NELL1: variants seen among roughly 807,000 people sequenced by gnomAD.
NELL1 encodes neural EGFL like 1.
In NELL1, 76 loss-of-function variants were observed where a neutral mutation model predicts 107.4. The observed-to-expected ratio is 0.71, with a 90% CI of 0.59 to 0.86. NELL1 has a LOEUF of 0.86. NELL1 is among the 40% of genes least tolerant of loss of function. NELL1 has a pLI of 0.00. For missense variants in NELL1, 1,024 were observed against 1,005.5 expected, an observed-to-expected ratio of 1.02 and a Z score of -0.25; for synonymous variants, 353 against 341.2, an observed-to-expected ratio of 1.03 and a Z score of -0.38.
intron 14 of NELL1, among the ~76,000 whole-genome samples, chr11:21,292,343 A>G (rs889312866): frequency 4.6e-5 from 7 of 152,222 alleles, no homozygotes; most frequent in Non-Finnish European, 8.8e-5. Context: ...TACCAAGAGA[A>G]TAAAATACCT....
intron 12 of NELL1, among the ~76,000 whole-genome samples, chr11:21,077,899 G>A (rs1421782704): frequency 1.3e-5 from 2 of 151,984 alleles, no homozygotes; most frequent in Admixed American, 6.6e-5. Context: ...GAAGGTAGCA[G>A]GTAAGATACA....
At chr11:21,100,857 A>G (rs1316581227) in intron 12 of NELL1, among the ~76,000 whole-genome samples, 1 of 151,856 alleles carries the variant, frequency 6.6e-6, no homozygotes, top group Non-Finnish European at 1.5e-5. Flanking sequence ...TTTTAATTAT[A>G]CTTTAAGTTT....
chr11:20,852,644 T>C (rs1848813823), intron 4 of NELL1, among the ~76,000 whole-genome samples: 1 of 152,220 alleles, frequency 6.6e-6, no homozygotes, highest in Non-Finnish European at 1.5e-5. Context: ...AAGAGATGAC[T>C]ATCAAAGGTC....
At chr11:20,828,579 T>A (rs557902303) in intron 3 of NELL1, among the ~76,000 whole-genome samples, 1 of 152,302 alleles carries the variant, frequency 6.6e-6, no homozygotes, top group African/African-American at 2.4e-5. Flanking sequence ...TGTGGAACTG[T>A]CTTGGGGTTC....
chr11:21,217,118 TC>T (rs1224403321), intron 13 of NELL1, among the ~76,000 whole-genome samples: 2 of 152,084 alleles, frequency 1.3e-5, no homozygotes, highest in African/African-American at 2.4e-5. Context: ...AAGGGGCTAT[TC>T]CCCCCTCCTT....
intron 14 of NELL1, among the ~76,000 whole-genome samples, chr11:21,230,321 G>C (rs1300334837): frequency 2.0e-5 from 3 of 151,902 alleles, no homozygotes; most frequent in Non-Finnish European, 2.9e-5. Context: ...CACTGTCCCT[G>C]GTGTTTAGAT....
At chr11:20,822,519 G>A (rs1170931362) in intron 3 of NELL1, among the ~76,000 whole-genome samples, 1 of 152,152 alleles carries the variant, frequency 6.6e-6, no homozygotes, top group Admixed American at 6.5e-5. Context: ...GTATGCCCAG[G>A]GCCTGCAGGT....
At chr11:21,006,043 G>T (rs1242234265) in intron 12 of NELL1, among the ~76,000 whole-genome samples, 1 of 151,804 alleles carries the variant, frequency 6.6e-6, no homozygotes, top group Non-Finnish European at 1.5e-5. Context: ...GATTTGGGGG[G>T]GGGAGTGGGA....
At chr11:21,176,150 A>G (rs1436600806) in intron 13 of NELL1, among the ~76,000 whole-genome samples, 1 of 151,840 alleles carries the variant, frequency 6.6e-6, no homozygotes, top group Non-Finnish European at 1.5e-5. Context: ...AATGCATATA[A>G]AACAGTGCAA....
chr11:21,323,424 A>G (rs983018694), intron 14 of NELL1, among the ~76,000 whole-genome samples: 3 of 152,136 alleles, frequency 2.0e-5, no homozygotes, highest in Non-Finnish European at 2.9e-5. Flanking sequence ...TGAATACTTA[A>G]TTTCTGGTGT....
intron 12 of NELL1, among the ~76,000 whole-genome samples, chr11:20,966,375 G>A (rs987750968): frequency 2.6e-5 from 4 of 152,006 alleles, no homozygotes; most frequent in Admixed American, 1.3e-4. Context: ...TGTTACAATG[G>A]TGACTAAATT....
At chr11:21,566,188 G>A (rs1014581378) in intron 17 of NELL1, among the ~76,000 whole-genome samples, 4 of 151,776 alleles carry the variant, frequency 2.6e-5, no homozygotes, top group African/African-American at 7.3e-5. Context: ...AATTTGTACC[G>A]TGGGCATCCG....
At position 20,837,706 on chromosome 11, in the gene NELL1, GA is replaced by G. The variant is rs376999514; in HGVS notation, c.336-9872del. 2.0e-3 allele frequency among the ~76,000 whole-genome samples: 302 copies of G among 152,120 alleles called. 1 individual carries two copies. Among genetic ancestry groups the G allele is most frequent in the African/African-American group, 7.1e-3 (295 of 41,530 alleles). ...TGGGAGTAAATCAAAGAAACTAGCT[GA>G]AAAACGTCCAACAGCTAAAGCTGGA... On this transcript the variant is annotated intron_variant, in intron 3 of 19. Coordinates refer to ENST00000357134, the MANE Select transcript of NELL1 (RefSeq NM_006157.5).
intron 12 of NELL1, among the ~76,000 whole-genome samples, chr11:21,099,223 ACACACACACAAACAC>A (rs1489948188): frequency 2.8e-5 from 4 of 142,018 alleles, no homozygotes; most frequent in African/African-American, 1.1e-4. Flanking sequence ...ACACACACAC[ACACACACACAAACAC>A]ACACACACAC....
chr11:21,050,823 C>A (rs1590585841), intron 12 of NELL1, among the ~76,000 whole-genome samples: 1 of 152,124 alleles, frequency 6.6e-6, no homozygotes. Context: ...ATTCTGAGAT[C>A]TATTCTAGAT....
At chr11:21,200,830 T>G (rs1857253631) in intron 13 of NELL1, among the ~76,000 whole-genome samples, 1 of 151,990 alleles carries the variant, frequency 6.6e-6, no homozygotes, top group Admixed American at 6.6e-5. Flanking sequence ...AGGAAGGGGG[T>G]CCAGTTTTAG....
rs188203563 is a variant in NELL1, at chr11:21,408,646, T to G, written c.1645+37698T>G. On this transcript the variant is annotated intron_variant, in intron 15 of 19. Transcript: ENST00000357134. ...TGTTCACTCTGATGGTAGTTTCTTTTGCTGTGCAGAAGCTCTTTAGTTTAA... is the reference window on the plus strand; with the variant it reads ...TGTTCACTCTGATGGTAGTTTCTTTGGCTGTGCAGAAGCTCTTTAGTTTAA... 9.9e-5 allele frequency among the ~76,000 whole-genome samples: 15 copies of G among 152,074 alleles called. 1 individual carries two copies. The highest frequency in any genetic ancestry group is 9.7e-4 in the East Asian group (5 of 5,142).
At chr11:20,757,174 T>A (rs556495076) in intron 2 of NELL1, among the ~76,000 whole-genome samples, 10 of 152,080 alleles carry the variant, frequency 6.6e-5, no homozygotes, top group Admixed American at 2.0e-4. Context: ...TTTTTTTTTT[T>A]AAATATAATT....
At chr11:20,975,914 TAA>T (rs1218692659) in intron 12 of NELL1, among the ~76,000 whole-genome samples, 4 of 134,042 alleles carry the variant, frequency 3.0e-5, no homozygotes, top group African/African-American at 1.1e-4. Flanking sequence ...GTGTATTATA[TAA>T]ACACACATAT....
Sources: allele counts gnomAD v4.1 joint callset (sites outside exome capture counted in the v4.1 genomes callset), GRCh38; gene constraint gnomAD v4.1.1; transcripts MANE v1.5; gene names NCBI Gene and HGNC (gene_info 2026-07-23, HGNC 2026-07-21).